The following GRHPR variants were observed in gnomAD, a reference collection of about 807,000 sequenced individuals.
GRHPR encodes the protein glyoxylate and hydroxypyruvate reductase.
In GRHPR, 35 loss-of-function variants were observed where a neutral mutation model predicts 36.8. That is an observed-to-expected ratio of 0.95 (90% CI 0.73 to 1.26). GRHPR has a LOEUF of 1.26. Among genes scored for constraint, GRHPR ranks in the 50% most tolerant of loss-of-function variants. The pLI is 0.00. For synonymous variants in GRHPR, 179 were observed against 181.0 expected (o/e 0.99, Z 0.09); for missense variants, 380 against 435.0 (o/e 0.87, Z 1.12).
chr9:37,428,446 AG>A lies in GRHPR; in HGVS notation c.405-36del, dbSNP rs778954463. 5.8e-6 allele frequency: 8 copies of A among 1,379,868 alleles called. No individual in the cohort carries two copies. In the South Asian group the frequency reaches 8.1e-5, roughly 14 times the overall value. 85.5% of individuals were successfully genotyped at this position (1,379,868 alleles called of 1,614,324 possible). A position where few individuals can be genotyped will look rare whatever the true frequency, so the allele number is the denominator to read the frequency against. On this transcript the variant is annotated intron_variant, in intron 4 of 8. Transcript: ENST00000318158. ...TCTCAGCGGCCCCCATCTTGGTCCA[AG>A]GCTGGGCCTCTCACCTGCCCCTCTC...
intron 8 of GRHPR, among the ~76,000 whole-genome samples, chr9:37,433,613 A>G (rs1424811669): frequency 2.0e-5 from 3 of 152,108 alleles, no homozygotes; most frequent in Admixed American, 6.5e-5. Context: ...GAGAGTTTCT[A>G]TTTCAGCAGG....
intron 5 of GRHPR, 164 bp from the exon 6 acceptor site, chr9:37,429,568 G>A (rs1395233197): frequency 1.4e-6 from 1 of 712,062 alleles, no homozygotes; most frequent in South Asian, 1.4e-5. Flanking sequence ...GCTAGTTACA[G>A]TGGGGCAGCC....
intron 8 of GRHPR, among the ~76,000 whole-genome samples, chr9:37,436,431 ACATTGTGACTGGGTTTTAGTAGCCT>A (rs781473642): frequency 6.6e-6 from 1 of 152,160 alleles, no homozygotes; most frequent in Non-Finnish European, 1.5e-5. Flanking sequence ...ATCTTTCATC[ACATTGTGACTGGGTTTTAGTAGCCT>A]GGAGGCCCTT....
chr9:37,423,637 G>C (rs1453552914), intron 1 of GRHPR, among the ~76,000 whole-genome samples: 1 of 151,774 alleles, frequency 6.6e-6, no homozygotes, highest in Non-Finnish European at 1.5e-5. Flanking sequence ...ACCATGCCTG[G>C]CTAATTTTTT....
upstream of GRHPR, chr9:37,422,591 C>A (rs951749623): frequency 4.5e-6 from 3 of 673,728 alleles, no homozygotes; most frequent in East Asian, 2.7e-5. Flanking sequence ...ACAGTCACCG[C>A]TCAGCCGCAA....
At position 37,429,581 on chromosome 9, in the gene GRHPR, C is replaced by G. The variant is rs984824243; in HGVS notation, c.494-151C>G. 3.3e-4 allele frequency: 240 copies of G among 729,856 alleles called. 1 individual carries two copies. Among genetic ancestry groups the G allele is most frequent in the Middle Eastern group, 1.0e-3 (3 of 2,966 alleles). 45.2% of individuals were successfully genotyped at this position (729,856 alleles called of 1,614,324 possible). On this transcript the variant is annotated intron_variant, in intron 5 of 8. Transcript: ENST00000318158. ...GGGCTAGTTACAGTGGGGCAGCCAG[C>G]CCCCCACCCGCTTTGGAGGAGACAG...
rs755040146 is a variant in GRHPR, at chr9:37,426,635, G to T, written c.385G>T (p.Ala129Ser). The T allele has an allele frequency of 5.0e-6, 8 of 1,609,834 alleles. No individual in the cohort carries two copies. The South Asian group carries it at 8.8e-5, about 18-fold the overall frequency. ...LLTTCRRLPE[A>S]IEEVKNGGWT... ...TACCACCTGCCGCCGGTTGCCGGAG[G>T]CCATCGAGGAAGTGAAGAAGTAAGT... Residue 129 changes from alanine (A) to serine (S), a missense_variant, in exon 4 of 9, where the codon GCC becomes TCC. Physicochemically the swap from Ala to Ser is moderately conservative, Grantham distance 99. Transcript: ENST00000318158.
chr9:37,436,628 T>G, intron 8 of GRHPR, 33 bp from the exon 9 acceptor site: 19 of 1,609,474 alleles, frequency 1.2e-5, no homozygotes, highest in Non-Finnish European at 1.6e-5. Flanking sequence ...ACCACCCTTC[T>G]TATCTCCCTC....
chr9:37,430,321 G>C, intron 6 of GRHPR, 190 bp from the exon 7 acceptor site: 1 of 667,158 alleles, frequency 1.5e-6, no homozygotes, highest in Non-Finnish European at 2.7e-6. Context: ...GTTAAAGCCA[G>C]AGTGGTCCAG....
rs1205587022 is a variant in GRHPR at position 37,432,061 on chromosome 9, T to C, written c.788T>C (p.Ile263Thr). The C allele has an allele frequency of 1.9e-6, 3 of 1,613,966 alleles. No individual in the cohort carries two copies. The East Asian group carries it at 6.7e-5, about 36-fold the overall frequency. ...DLYQALASGK[I>T]AAAGLDVTSP... Reference sequence around the variant, plus strand: ...TACCAGGCCTTGGCCAGTGGTAAGATTGCAGCTGCTGGACTGGATGTGACG... The same window carrying C: ...TACCAGGCCTTGGCCAGTGGTAAGACTGCAGCTGCTGGACTGGATGTGACG... The change falls in exon 8 of 9, where the codon ATT (isoleucine) becomes ACT (threonine). Residue 263 changes from isoleucine to threonine, a missense_variant. Coordinates refer to ENST00000318158, the MANE Select transcript of GRHPR (RefSeq NM_012203.2).
chr9:37,433,951 C>CGGGGGGG, intron 8 of GRHPR: 1 of 397,456 alleles, frequency 2.5e-6, no homozygotes, highest in African/African-American at 2.1e-5. Flanking sequence ...GAAACTCTCC[C>CGGGGGGG]GTCCCTCCCC....
chr9:37,425,721 T>C (rs1457838828), intron 2 of GRHPR, among the ~76,000 whole-genome samples: 5 of 152,234 alleles, frequency 3.3e-5, no homozygotes, highest in African/African-American at 4.8e-5. Flanking sequence ...TGCCTGTGAC[T>C]GAGCCAGGCC....
chr9:37,430,941 C>T (rs1368782545), intron 7 of GRHPR: 2 of 537,336 alleles, frequency 3.7e-6, no homozygotes, highest in Admixed American at 4.5e-5. Context: ...CTCTGCAGGC[C>T]CATTATCCTC....
rs565715141 is a variant in GRHPR at position 37,431,817 on chromosome 9, T to C, written c.735-191T>C. The C allele has an allele frequency of 7.8e-5, 45 of 575,174 alleles. No individual in the cohort carries two copies. The African/African-American group carries it at 8.2e-4, about 11-fold the overall frequency. 35.6% of individuals were successfully genotyped at this position (575,174 alleles called of 1,614,324 possible). ...AGACACTTGCCCAAGGTCACACAGC[T>C]AGAAGGAGGCAGGGCTGGAGTTCTC... On this transcript the variant is annotated intron_variant, in intron 7 of 8. Transcript: ENST00000318158.
intron 6 of GRHPR, 185 bp downstream of exon 6, chr9:37,430,021 C>T (rs752565216): frequency 1.5e-5 from 10 of 652,586 alleles, no homozygotes; most frequent in Non-Finnish European, 2.8e-5. Flanking sequence ...CAGGGACTTA[C>T]CCAGGTCCTC....
At position 37,422,704 on chromosome 9, in the gene GRHPR, G is replaced by C. The variant is rs764081167; in HGVS notation, c.-47G>C. On this transcript the variant is annotated 5_prime_UTR_variant, in exon 1 of 9. Coordinates refer to ENST00000318158, the MANE Select transcript of GRHPR (RefSeq NM_012203.2). ...CCCGCCCCGGCCCAGCTACATTCCC[G>C]GGCCAGCTTCTGTACTGCCAGGTCC... 13 of 1,429,970 alleles carry C rather than the reference G, an allele frequency of 9.1e-6. No homozygotes were observed. In the African/African-American group the frequency reaches 1.4e-4, roughly 16 times the overall value. The allele number at this position is 1,429,970 out of a possible 1,614,324, so 88.6% of individuals were successfully genotyped here.
chr9:37,424,712 C>T (rs1196772755), intron 1 of GRHPR, 133 bp from the exon 2 acceptor site: 3 of 1,029,748 alleles, frequency 2.9e-6, no homozygotes, highest in Non-Finnish European at 4.2e-6. Flanking sequence ...CCACCCCTGC[C>T]TGACCCTGCC....
Position 37,422,769 on chromosome 9 carries a change from A to C in GRHPR, c.19A>C (p.Met7Leu), listed in dbSNP as rs1188770082. Residue 7 changes from methionine to leucine, a missense_variant, in exon 1 of 9, where the codon ATG becomes CTG. Transcript: ENST00000318158. MRPVRL[M>L]KVFVTRRIPA... ...ACTGCGGATGAGACCGGTGCGACTCATGAAGGTGTTCGTCACCCGCAGGAT... is the reference window on the plus strand; with the variant it reads ...ACTGCGGATGAGACCGGTGCGACTCCTGAAGGTGTTCGTCACCCGCAGGAT... 2 of 1,596,202 alleles carry C rather than the reference A, an allele frequency of 1.3e-6. No homozygotes were observed. The highest frequency in any genetic ancestry group is 1.7e-6 in the Non-Finnish European group (2 of 1,173,068).
chr9:37,432,150 A>G lies in GRHPR; in HGVS notation c.865+12A>G, dbSNP rs775584090. 6.2e-7 allele frequency: 1 copy of G among 1,613,650 alleles called. No homozygotes were observed. Among genetic ancestry groups the G allele is most frequent in the Non-Finnish European group, 8.5e-7 (1 of 1,179,644 alleles). On this transcript the variant is annotated intron_variant, in intron 8 of 8. Coordinates refer to ENST00000318158, the MANE Select transcript of GRHPR (RefSeq NM_012203.2). ...CCTGAAGAACTGTGGTAAGAACTGCACTTTCTGATGCAAACTCCCTGCTGC... is the reference window on the plus strand; with the variant it reads ...CCTGAAGAACTGTGGTAAGAACTGCGCTTTCTGATGCAAACTCCCTGCTGC...
Sources: allele counts gnomAD v4.1 joint callset (sites outside exome capture counted in the v4.1 genomes callset), GRCh38; gene constraint gnomAD v4.1.1; transcripts MANE v1.5; gene names NCBI Gene and HGNC (gene_info 2026-07-23, HGNC 2026-07-21).